PAM: variants seen among roughly 807,000 people sequenced by gnomAD.
The protein encoded by PAM is peptidylglycine alpha-amidating monooxygenase, also known as peptidyl-glycine alpha-amidating monooxygenase.
A neutral mutation model predicts 122.1 loss-of-function variants in PAM; 72 were observed. That is an observed-to-expected ratio of 0.59 (90% CI 0.49 to 0.72). The LOEUF (loss-of-function observed/expected upper bound fraction) is 0.72, where lower values mean the gene tolerates loss of function less well. PAM is among the 30% of genes least tolerant of loss of function. PAM has a pLI of 0.00. For missense variants in PAM, 1,106 were observed against 1,183.7 expected (o/e 0.93, Z 0.96); for synonymous variants, 389 against 404.4 (o/e 0.96, Z 0.46).
intron 1 of PAM, among the ~76,000 whole-genome samples, chr5:102,863,272 C>G (rs183530789): frequency 1.3e-5 from 2 of 152,310 alleles, no homozygotes; most frequent in African/African-American, 2.4e-5. Context: ...TGAACATACT[C>G]TGTTCCCCAC....
intron 3 of PAM, among the ~76,000 whole-genome samples, chr5:102,898,655 AT>A (rs1367170559): frequency 6.6e-6 from 1 of 151,648 alleles, no homozygotes; most frequent in African/African-American, 2.4e-5. Context: ...CTCAGGTGCT[AT>A]TGAAAATGTA....
At chr5:102,935,125 TCTTC>T (rs1752837061) in intron 7 of PAM, among the ~76,000 whole-genome samples, 2 of 152,144 alleles carry the variant, frequency 1.3e-5, no homozygotes, top group South Asian at 4.1e-4. Context: ...GATAAAACCC[TCTTC>T]AATCATACCT....
chr5:102,770,618 T>C (rs1483210475), intron 1 of PAM, among the ~76,000 whole-genome samples: 1 of 152,172 alleles, frequency 6.6e-6, no homozygotes, highest in Non-Finnish European at 1.5e-5. Context: ...TCAATCATGA[T>C]GATCATATGG....
intron 7 of PAM, among the ~76,000 whole-genome samples, chr5:102,945,963 G>A (rs982672773): frequency 1.2e-4 from 18 of 152,228 alleles, no homozygotes; most frequent in African/African-American, 3.9e-4. Context: ...CCCAAGCACT[G>A]TATTACAACA....
In PAM at chr5:102,880,682, C is replaced by T. The variant is rs546563749; in HGVS notation, c.210+13289C>T. Among the ~76,000 whole-genome samples the T allele has an allele frequency of 4.9e-4, 75 of 151,678 alleles. 1 individual carries two copies. Among genetic ancestry groups the T allele is most frequent in the Admixed American group, 6.6e-4 (10 of 15,212 alleles). ...ATCCTGGATAATAAAACCCATGAGACCCTAATGAAGTACTCAGAGAAAAAT... is the reference window on the plus strand; with the variant it reads ...ATCCTGGATAATAAAACCCATGAGATCCTAATGAAGTACTCAGAGAAAAAT... On this transcript the variant is annotated intron_variant, in intron 3 of 25. Coordinates refer to ENST00000438793, the MANE Select transcript of PAM (RefSeq NM_001177306.2).
intron 5 of PAM, among the ~76,000 whole-genome samples, chr5:102,924,695 G>C (rs1343823801): frequency 6.6e-6 from 1 of 151,162 alleles, no homozygotes; most frequent in East Asian, 1.9e-4. Flanking sequence ...ACATATCAAA[G>C]TAAAAATTAT....
At position 102,874,941 on chromosome 5, in the gene PAM, G is replaced by A. The variant is rs146222380; in HGVS notation, c.210+7548G>A. ...AATAACGTGTTCATAGCAAATAGCC[G>A]GTAAATAGGAGAACAAGGATTTAAA... On this transcript the variant is annotated intron_variant, in intron 3 of 25. Transcript: ENST00000438793. Among the ~76,000 whole-genome samples, 273 of 152,054 alleles carry A rather than the reference G, an allele frequency of 1.8e-3. 7 individuals carry two copies. Among genetic ancestry groups the A allele is most frequent in the East Asian group, 5.0e-3 (26 of 5,174 alleles).
At chr5:102,871,875 T>G (rs1383796115) in intron 3 of PAM, among the ~76,000 whole-genome samples, 1 of 151,810 alleles carries the variant, frequency 6.6e-6, no homozygotes, top group Non-Finnish European at 1.5e-5. Context: ...TTATGTAGCA[T>G]TCTATTTATT....
At chr5:102,927,027 G>T (rs1204567976) in intron 7 of PAM, among the ~76,000 whole-genome samples, 4 of 150,014 alleles carry the variant, frequency 2.7e-5, no homozygotes, top group Non-Finnish European at 4.4e-5. Context: ...TATTTATGTT[G>T]CTCTGAGCAA....
chr5:102,843,389 G>C (rs1449621383), intron 1 of PAM, among the ~76,000 whole-genome samples: 1 of 152,060 alleles, frequency 6.6e-6, no homozygotes, highest in Non-Finnish European at 1.5e-5. Context: ...AGATCACAGA[G>C]TTAAATGTAA....
At chr5:102,931,691 G>A (rs1377284546) in intron 7 of PAM, among the ~76,000 whole-genome samples, 1 of 152,148 alleles carries the variant, frequency 6.6e-6, no homozygotes, top group African/African-American at 2.4e-5. Context: ...CTTCCCAAAT[G>A]TATTGCCCTG....
At chr5:102,974,630 T>C in intron 15 of PAM, 194 bp downstream of exon 15, 2 of 454,538 alleles carry the variant, frequency 4.4e-6, no homozygotes, top group Non-Finnish European at 7.7e-6. Context: ...TTTTGGTCTA[T>C]TACTGCATAA....
chr5:102,967,810 C>T (rs1337304213), intron 14 of PAM, among the ~76,000 whole-genome samples: 2 of 151,080 alleles, frequency 1.3e-5, no homozygotes, highest in Admixed American at 6.6e-5. Flanking sequence ...GCAACCTCCA[C>T]CTCCCAGATT....
chr5:102,896,577 T>G (rs1167826345), intron 3 of PAM, among the ~76,000 whole-genome samples: 1 of 151,532 alleles, frequency 6.6e-6, no homozygotes, highest in Non-Finnish European at 1.5e-5. Flanking sequence ...TTGGGAAAAA[T>G]GTTGATAGGG....
At chr5:102,877,100 C>T (rs1238972469) in intron 3 of PAM, among the ~76,000 whole-genome samples, 1 of 152,162 alleles carries the variant, frequency 6.6e-6, no homozygotes, top group Non-Finnish European at 1.5e-5. Context: ...GGCTGCAAGA[C>T]CTTAGGCAAG....
At position 103,005,240 on chromosome 5, in the gene PAM, T is replaced by C; in HGVS notation, c.1803+14T>C. On this transcript the variant is annotated intron_variant, in intron 18 of 25. Coordinates refer to ENST00000438793, the MANE Select transcript of PAM (RefSeq NM_001177306.2). The stretch of plus-strand genomic sequence containing the variant: ...GCTCTCCATCAGGTAGTCTTCCTTT[T>C]GGTAATATTCAAATTAGAAGCTAAC... 1.8e-6 allele frequency: 2 copies of C among 1,082,164 alleles called. No homozygotes were observed. Among genetic ancestry groups the C allele is most frequent in the East Asian group, 2.4e-5 (1 of 42,498 alleles). 67.0% of individuals were successfully genotyped at this position (1,082,164 alleles called of 1,614,324 possible).
At chr5:102,883,154 T>A (rs1267247145) in intron 3 of PAM, among the ~76,000 whole-genome samples, 2 of 152,094 alleles carry the variant, frequency 1.3e-5, no homozygotes, top group Non-Finnish European at 2.9e-5. Flanking sequence ...GGTAATGTAA[T>A]GTCTCCAGAT....
chr5:102,919,331 G>C (rs1367918449), intron 5 of PAM, among the ~76,000 whole-genome samples: 1 of 152,010 alleles, frequency 6.6e-6, no homozygotes, highest in South Asian at 2.1e-4. Flanking sequence ...TTTTAAAGGT[G>C]ATGTTGTTTT....
intron 3 of PAM, among the ~76,000 whole-genome samples, chr5:102,899,237 G>A (rs954356954): frequency 1.6e-4 from 24 of 151,660 alleles, no homozygotes; most frequent in African/African-American, 5.1e-4. Context: ...ATTTTAAATT[G>A]GGTGGCTGAT....
Sources: gnomAD v4.1 joint callset for allele counts (sites outside exome capture counted in the v4.1 genomes callset) on GRCh38, gnomAD v4.1.1 for gene constraint, MANE v1.5 for transcripts, NCBI Gene and HGNC (gene_info 2026-07-23, HGNC 2026-07-21) for gene names.